SNTG2: variants seen among roughly 807,000 people sequenced by gnomAD.
The protein encoded by SNTG2 is gamma-2-syntrophin.
SNTG2 carries 74 observed loss-of-function variants against 70.9 expected under a neutral mutation model. That is an observed-to-expected ratio of 1.04 (90% confidence interval 0.86 to 1.27). SNTG2 has a LOEUF of 1.27. Among genes scored for constraint, SNTG2 ranks in the 50% most tolerant of loss-of-function variants. The pLI, the probability that SNTG2 is intolerant of heterozygous loss-of-function variation, is 0.00. For missense variants in SNTG2, 717 were observed against 690.7 expected, an observed-to-expected ratio of 1.04 and a Z score of -0.43; for synonymous variants, 278 against 273.8, an observed-to-expected ratio of 1.02 and a Z score of -0.15.
intron 16 of SNTG2, among the ~76,000 whole-genome samples, chr2:1,332,924 C>G (rs867771768): frequency 3.3e-5 from 5 of 152,174 alleles, no homozygotes; most frequent in Non-Finnish European, 7.3e-5. Context: ...CTCACCACTT[C>G]TATTCACCAT....
chr2:1,002,337 A>G (rs893879452), intron 1 of SNTG2, among the ~76,000 whole-genome samples: 1 of 152,180 alleles, frequency 6.6e-6, no homozygotes, highest in African/African-American at 2.4e-5. Context: ...ATGGGGGAAA[A>G]TATTTGCAAA....
At chr2:997,351 T>A (rs1277276775) in intron 1 of SNTG2, among the ~76,000 whole-genome samples, 2 of 152,162 alleles carry the variant, frequency 1.3e-5, no homozygotes, top group Non-Finnish European at 2.9e-5. Flanking sequence ...GGGCTGAGAA[T>A]GGACCATGAT....
At chr2:1,339,510 T>C (rs1028886656) in intron 16 of SNTG2, among the ~76,000 whole-genome samples, 1 of 152,212 alleles carries the variant, frequency 6.6e-6, no homozygotes, top group African/African-American at 2.4e-5. Context: ...CTCACTTCAG[T>C]TCTCACATTG....
chr2:995,998 C>T (rs1039499952), intron 1 of SNTG2, among the ~76,000 whole-genome samples: 2 of 152,052 alleles, frequency 1.3e-5, no homozygotes, highest in Admixed American at 1.3e-4. Context: ...TCCCAAAAGT[C>T]GTTATTTAGT....
At chr2:1,085,690 A>G (rs1411382016) in intron 2 of SNTG2, among the ~76,000 whole-genome samples, 4 of 152,314 alleles carry the variant, frequency 2.6e-5, no homozygotes, top group Admixed American at 2.0e-4. Flanking sequence ...TTGATGTATT[A>G]TTTTACTTCC....
At chr2:1,245,040 A>G (rs1242842471) in intron 11 of SNTG2, among the ~76,000 whole-genome samples, 6 of 147,734 alleles carry the variant, frequency 4.1e-5, no homozygotes, top group African/African-American at 1.5e-4. Context: ...CAAACACCGC[A>G]TGTTCTCACT....
At chr2:1,321,890 T>TCCCTCC (rs1558206689) in intron 16 of SNTG2, among the ~76,000 whole-genome samples, 10 of 59,426 alleles carry the variant, frequency 1.7e-4, no homozygotes, top group Non-Finnish European at 3.6e-5. Flanking sequence ...CCTTCCTTCC[T>TCCCTCC]TTCCTTCTTT....
chr2:1,035,351 A>G (rs562516034), intron 1 of SNTG2, among the ~76,000 whole-genome samples: 2 of 152,290 alleles, frequency 1.3e-5, no homozygotes, highest in South Asian at 4.2e-4. Context: ...GATTGTCTGT[A>G]ACTGATCCTG....
At chr2:1,306,234 T>C (rs189392068) in intron 14 of SNTG2, among the ~76,000 whole-genome samples, 356 of 152,218 alleles carry the variant, frequency 2.3e-3, no homozygotes, top group African/African-American at 7.9e-3. Flanking sequence ...GTAGAGTATT[T>C]GTGACCGCCG....
chr2:1,237,320 G>T (rs193196163), intron 9 of SNTG2, among the ~76,000 whole-genome samples: 1 of 152,274 alleles, frequency 6.6e-6, no homozygotes, highest in South Asian at 2.1e-4. Flanking sequence ...CATATGTAAA[G>T]TATGTTTTTA....
chr2:1,133,577 G>T (rs1327625775), intron 4 of SNTG2, among the ~76,000 whole-genome samples: 1 of 152,146 alleles, frequency 6.6e-6, no homozygotes, highest in Non-Finnish European at 1.5e-5. Context: ...TCACTTTTCA[G>T]CTAAAATCAA....
chr2:1,250,782 G>T (rs765261372), intron 12 of SNTG2, among the ~76,000 whole-genome samples: 3 of 152,082 alleles, frequency 2.0e-5, no homozygotes, highest in Admixed American at 6.5e-5. Context: ...TCTTCTCGAG[G>T]TCTCTTCCTT....
chr2:1,350,774 A>G (rs1660533607), intron 16 of SNTG2, among the ~76,000 whole-genome samples: 1 of 152,174 alleles, frequency 6.6e-6, no homozygotes, highest in South Asian at 2.1e-4. Context: ...AGCTGTCATT[A>G]TTGGAAAAGA....
Position 1,321,108 on chromosome 2 carries a change from A to G in SNTG2, c.1488+4733A>G, listed in dbSNP as rs530528822. ...GAGTTTCATCAGTTCTAAGGAGAAAATTGTTCCTATTGTCAGGAAAATGGG... is the reference window on the plus strand; with the variant it reads ...GAGTTTCATCAGTTCTAAGGAGAAAGTTGTTCCTATTGTCAGGAAAATGGG... On this transcript the variant is annotated intron_variant, in intron 16 of 16. Coordinates refer to ENST00000308624, the MANE Select transcript of SNTG2 (RefSeq NM_018968.4). 2.0e-5 allele frequency among the ~76,000 whole-genome samples: 3 copies of G among 152,356 alleles called. No individual in the cohort carries two copies. The South Asian group carries it at 6.2e-4, about 32-fold the overall frequency.
intron 6 of SNTG2, among the ~76,000 whole-genome samples, chr2:1,157,776 G>C (rs1227708800): frequency 6.6e-6 from 1 of 152,194 alleles, no homozygotes; most frequent in African/African-American, 2.4e-5. Flanking sequence ...GGTGTGCACA[G>C]ACTAGAGATG....
intron 1 of SNTG2, among the ~76,000 whole-genome samples, chr2:1,080,119 T>C (rs1174744089): frequency 6.6e-6 from 1 of 152,108 alleles, no homozygotes; most frequent in Non-Finnish European, 1.5e-5. Context: ...TCCTGGGCAA[T>C]GGTGTGGCTG....
intron 8 of SNTG2, among the ~76,000 whole-genome samples, chr2:1,195,552 C>A (rs776688471): frequency 2.6e-5 from 4 of 152,106 alleles, no homozygotes; most frequent in Non-Finnish European, 5.9e-5. Context: ...TATCTGCCAC[C>A]CACTTTTTGA....
At chr2:1,236,207 G>A (rs551274056) in intron 9 of SNTG2, among the ~76,000 whole-genome samples, 1 of 152,332 alleles carries the variant, frequency 6.6e-6, no homozygotes, top group Admixed American at 6.5e-5. Flanking sequence ...TTGGACAAAA[G>A]TGTAGATATA....
intron 14 of SNTG2, among the ~76,000 whole-genome samples, chr2:1,306,133 G>A (rs1218891994): frequency 6.6e-6 from 1 of 152,196 alleles, no homozygotes; most frequent in East Asian, 1.9e-4. Context: ...GTTTATGGAA[G>A]GTGGGCAAGG....
Sources: allele counts gnomAD v4.1 joint callset (sites outside exome capture counted in the v4.1 genomes callset), GRCh38; gene constraint gnomAD v4.1.1; transcripts MANE v1.5; gene names NCBI Gene and HGNC (gene_info 2026-07-23, HGNC 2026-07-21).